DCN: variants seen among roughly 807,000 people sequenced by gnomAD.
The protein encoded by DCN is bone proteoglycan II.
DCN carries 17 observed loss-of-function variants against 36.5 expected under a neutral mutation model. The observed-to-expected ratio is 0.47, with a 90% CI of 0.32 to 0.70. The LOEUF (loss-of-function observed/expected upper bound fraction) is 0.70. Ranked by LOEUF, DCN falls within the 30% of genes least tolerant of loss-of-function variation. The probability of loss-of-function intolerance (pLI) is 0.04; values close to 1 mark genes in which losing one functional copy is unlikely to be tolerated. For synonymous variants in DCN, 163 were observed against 161.4 expected (o/e 1.01, Z -0.07); for missense variants, 389 against 430.1 (o/e 0.90, Z 0.84).
At chr12:91,176,446 A>G (rs1393158140) in intron 2 of DCN, 4 of 152,142 alleles carry the variant, frequency 2.6e-5, no homozygotes, top group African/African-American at 4.8e-5. Context: ...CAATGGCAAC[A>G]ACAAAACTGT....
intron 3 of DCN, among the ~76,000 whole-genome samples, chr12:91,163,157 G>T (rs1229492956): frequency 1.3e-5 from 2 of 152,204 alleles, no homozygotes; most frequent in African/African-American, 4.8e-5. Flanking sequence ...ATAGAGAACT[G>T]GGTGAGAAAA....
chr12:91,168,677 TTATTTTCCTCAGAAG>T (rs1882740455), intron 2 of DCN, among the ~76,000 whole-genome samples: 1 of 152,262 alleles, frequency 6.6e-6, no homozygotes, highest in African/African-American at 2.4e-5. Context: ...ATAGGAGTTT[TTATTTTCCTCAGAAG>T]TATTAGGATA....
At position 91,145,743 on chromosome 12, in the gene DCN, TAAAAA is replaced by T. The variant is rs1444699301; in HGVS notation, c.*310_*314del. On this transcript the variant is annotated 3_prime_UTR_variant, in exon 8 of 8. Coordinates refer to ENST00000052754, the MANE Select transcript of DCN (RefSeq NM_001920.5). ...ACTCTTTTTATTTTTTCCTGGAAAT[TAAAAA>T]AGAAAAGCTTTACTAAATATTGACA... 2.4e-6 allele frequency: 1 copy of T among 417,762 alleles called. No individual in the cohort carries two copies. Among genetic ancestry groups the T allele is most frequent in the Non-Finnish European group, 4.5e-6 (1 of 220,664 alleles). 25.9% of individuals were successfully genotyped at this position (417,762 alleles called of 1,614,324 possible).
Position 91,153,188 on chromosome 12 carries a change from A to C in DCN, c.654T>G (p.Gly218=), listed in dbSNP as rs752982055. ...ADTNITSIPQ[G]LPPSLTELHL... ...GTAATTCCGTAAGGGAAGGAGGAAG[A>C]CCTGGAATGTGGAATTAAAGATGTT... is the stretch of plus-strand genomic sequence containing the variant. The change falls in exon 6 of 8, where the codon GGT becomes GGG. Residue 218 remains glycine, a splice_region_variant and synonymous_variant. Transcript: ENST00000052754. 1 of 1,562,092 alleles carries C rather than the reference A, an allele frequency of 6.4e-7. No individual in the cohort carries two copies. Among genetic ancestry groups the C allele is most frequent in the Non-Finnish European group, 8.8e-7 (1 of 1,132,754 alleles).
rs564091657 is a variant in DCN, at chr12:91,145,910, A to C, written c.*148T>G. ...CTTTTTATTGTAGGCAATTACTTAA[A>C]CTGGAAATTTGGCTTTATGCATAAT... On this transcript the variant is annotated 3_prime_UTR_variant, in exon 8 of 8. Transcript: ENST00000052754. 728 of 674,284 alleles carry C rather than the reference A, an allele frequency of 1.1e-3. 1 individual carries two copies. The highest frequency in any genetic ancestry group is 1.4e-3 in the Non-Finnish European group (553 of 393,798). The allele number at this position is 674,284 out of a possible 1,614,324, so 41.8% of individuals were successfully genotyped here. A position where few individuals can be genotyped will look rare whatever the true frequency, so the allele number is the denominator to read the frequency against.
intron 2 of DCN, chr12:91,175,153 T>C (rs1678436914): frequency 6.6e-6 from 1 of 152,160 alleles, no homozygotes; most frequent in South Asian, 2.1e-4. Context: ...ACATTGCTTT[T>C]TGAAATAAAT....
At chr12:91,182,291 G>A (rs1868434440) in intron 1 of DCN, among the ~76,000 whole-genome samples, 2 of 151,862 alleles carry the variant, frequency 1.3e-5, no homozygotes, top group Admixed American at 6.6e-5. Flanking sequence ...AAATATATAG[G>A]TCAATTACAG....
chr12:91,179,911 T>TA (rs1565791881), intron 1 of DCN, among the ~76,000 whole-genome samples: 2 of 152,132 alleles, frequency 1.3e-5, no homozygotes, highest in Non-Finnish European at 2.9e-5. Flanking sequence ...GGGCATTTTG[T>TA]AAAAAAACAA....
chr12:91,148,374 CCAA>C (rs1881174068), intron 7 of DCN, among the ~76,000 whole-genome samples: 2 of 151,964 alleles, frequency 1.3e-5, no homozygotes, highest in South Asian at 2.1e-4. Flanking sequence ...CGTCCTGCCA[CCAA>C]CAAGATCTTA....
In DCN at chr12:91,144,902, A is replaced by G. The variant is rs947496725; in HGVS notation, c.*1156T>C. On this transcript the variant is annotated 3_prime_UTR_variant, in exon 8 of 8. Coordinates refer to ENST00000052754, the MANE Select transcript of DCN (RefSeq NM_001920.5). ...ATATTTCTATGACAAAATTTAGTCC[A>G]CCATATTTCAATTATTTGCTATACT... 1 of 152,202 alleles carries G rather than the reference A, an allele frequency of 6.6e-6. No individual in the cohort carries two copies. The highest frequency in any genetic ancestry group is 2.4e-5 in the African/African-American group (1 of 41,454). 9.4% of individuals were successfully genotyped at this position (152,202 alleles called of 1,614,324 possible).
At chr12:91,162,457 T>C (rs1330223865) in intron 3 of DCN, among the ~76,000 whole-genome samples, 1 of 152,210 alleles carries the variant, frequency 6.6e-6, no homozygotes, top group African/African-American at 2.4e-5. Flanking sequence ...ATTTCCTTTG[T>C]ATCTATATTT....
At chr12:91,164,503 G>A in intron 3 of DCN, 102 bp downstream of exon 3, 1 of 643,074 alleles carries the variant, frequency 1.6e-6, no homozygotes, top group East Asian at 2.9e-5. Context: ...ACACTAATGT[G>A]CTTCTTTGTT....
At position 91,158,282 on chromosome 12, in the gene DCN, A is replaced by G. The variant is rs774468561; in HGVS notation, c.538+14T>C. 2 of 1,546,176 alleles carry G rather than the reference A, an allele frequency of 1.3e-6. No homozygotes were observed. The highest frequency in any genetic ancestry group is 1.8e-6 in the Non-Finnish European group (2 of 1,117,938). On this transcript the variant is annotated intron_variant, in intron 4 of 7. Transcript: ENST00000052754. ...ACTTGAGTTTTGGTCTTAAAGTTAT[A>G]AAAATGTCTGTACCTATGACAATCA... is the stretch of plus-strand genomic sequence containing the variant.
Position 91,145,653 on chromosome 12 carries a change from C to A in DCN, c.*405G>T, listed in dbSNP as rs564397394. 142 of 322,362 alleles carry A rather than the reference C, an allele frequency of 4.4e-4. No individual in the cohort carries two copies. The highest frequency in any genetic ancestry group is 3.0e-3 in the African/African-American group (140 of 45,960). The allele number at this position is 322,362 out of a possible 1,614,324, so 20.0% of individuals were successfully genotyped here. A position where few individuals can be genotyped will look rare whatever the true frequency, so the allele number is the denominator to read the frequency against. On this transcript the variant is annotated 3_prime_UTR_variant, in exon 8 of 8. Transcript: ENST00000052754. The stretch of plus-strand genomic sequence containing the variant: ...AGTAATGATGGGGATTAATACAGAG[C>A]TAGTGTTTGGCATTTGACTTTATCT...
Position 91,164,698 on chromosome 12 carries a change from C to T in DCN, c.231G>A (p.Lys77=). The change falls in exon 3 of 8, where the codon AAG becomes AAA. Residue 77 remains lysine, a synonymous_variant. Coordinates refer to ENST00000052754, the MANE Select transcript of DCN (RefSeq NM_001920.5). ...GCAGAGTTGTGTCAGGGGGAAGATC[C>T]TTTGGCACTTTGTCCAGACCTAGCA... ...CSDLGLDKVP[K]DLPPDTTLLD... is the part of the protein sequence containing the mutation. The T allele has an allele frequency of 6.2e-7, 1 of 1,606,310 alleles. No individual in the cohort carries two copies.
intron 2 of DCN, chr12:91,177,910 G>C: frequency 2.2e-6 from 1 of 453,880 alleles, no homozygotes; most frequent in Admixed American, 3.3e-5. Flanking sequence ...TTGAAACTCT[G>C]TTGTCTGGGC....
intron 2 of DCN, among the ~76,000 whole-genome samples, chr12:91,166,410 A>G (rs1012319642): frequency 1.3e-5 from 2 of 152,182 alleles, no homozygotes; most frequent in African/African-American, 4.8e-5. Flanking sequence ...GGAAATGTCA[A>G]TTTGCTAATT....
chr12:91,182,015 T>C (rs1868424736), intron 1 of DCN, among the ~76,000 whole-genome samples: 1 of 152,150 alleles, frequency 6.6e-6, no homozygotes, highest in Non-Finnish European at 1.5e-5. Context: ...TTATAGTGAA[T>C]GTATCTTAAA....
rs998745597 is a variant in DCN at position 91,142,227 on chromosome 12, G to A, written c.*3831C>T. 1 of 152,190 alleles carries A rather than the reference G, an allele frequency of 6.6e-6. No individual in the cohort carries two copies. The allele number at this position is 152,190 out of a possible 1,614,324, so 9.4% of individuals were successfully genotyped here. ...ACTGCAATGTCGACTCAGCAACCTCGAATGTCTGTGCTGCAGGAGAGTCTG... is the reference window on the plus strand; with the variant it reads ...ACTGCAATGTCGACTCAGCAACCTCAAATGTCTGTGCTGCAGGAGAGTCTG... On this transcript the variant is annotated 3_prime_UTR_variant, in exon 8 of 8. Coordinates refer to ENST00000052754, the MANE Select transcript of DCN (RefSeq NM_001920.5).
Sources: gnomAD v4.1 joint callset for allele counts (sites outside exome capture counted in the v4.1 genomes callset) on GRCh38, gnomAD v4.1.1 for gene constraint, MANE v1.5 for transcripts, NCBI Gene and HGNC (gene_info 2026-07-23, HGNC 2026-07-21) for gene names.